The following TTC17 variants were observed in gnomAD, a reference collection of about 807,000 sequenced individuals.
TTC17 encodes the protein tetratricopeptide repeat protein 17.
Under a neutral mutation model 143.8 loss-of-function variants are expected in TTC17, and 58 were observed. The observed-to-expected ratio is 0.40, with a 90% CI of 0.33 to 0.50. TTC17 has a LOEUF of 0.50. TTC17 is among the 20% of genes least tolerant of loss of function. The pLI, the probability that TTC17 is intolerant of heterozygous loss-of-function variation, is 0.49. For missense variants in TTC17, 1,273 were observed against 1,392.5 expected (o/e 0.91, Z 1.37); for synonymous variants, 501 against 497.8 (o/e 1.01, Z -0.09).
intron 21 of TTC17, among the ~76,000 whole-genome samples, chr11:43,480,151 A>G (rs959719510): frequency 1.3e-5 from 2 of 152,234 alleles, no homozygotes; most frequent in Non-Finnish European, 2.9e-5. Context: ...CAATAGCTCA[A>G]TAAGTATCAC....
At chr11:43,492,732 C>T (rs1265736583) in intron 23 of TTC17, among the ~76,000 whole-genome samples, 1 of 152,204 alleles carries the variant, frequency 6.6e-6, no homozygotes, top group Admixed American at 6.5e-5. Flanking sequence ...AGAAATTCCG[C>T]TAGTTTCATG....
intron 17 of TTC17, 143 bp from the exon 18 acceptor site, chr11:43,443,913 T>C (rs1947479955): frequency 9.9e-7 from 1 of 1,012,794 alleles, no homozygotes; most frequent in Non-Finnish European, 1.4e-6. Context: ...CTAACCATTT[T>C]TTATTTAGGT....
Position 43,400,040 on chromosome 11 carries a change from C to T in TTC17, c.1211C>T (p.Ala404Val). The change falls in exon 9 of 24, where the codon GCA becomes GTA. Residue 404 changes from alanine to valine, a missense_variant. Ala to Val is a moderately conservative substitution (Grantham distance 64, BLOSUM62 0). Coordinates refer to ENST00000039989, the MANE Select transcript of TTC17 (RefSeq NM_018259.6). ...CATGAGACTCAGATGGCAAAAGAGG[C>T]ACAATTAGGTAAGTAGTGACTCCAA... ...IIHETQMAKE[A>V]QLGNHQICRL... 2 of 1,612,728 alleles carry T rather than the reference C, an allele frequency of 1.2e-6. No homozygotes were observed. The highest frequency in any genetic ancestry group is 1.7e-6 in the Non-Finnish European group (2 of 1,179,452).
intron 16 of TTC17, among the ~76,000 whole-genome samples, chr11:43,421,927 A>G (rs1323972220): frequency 6.7e-6 from 1 of 149,426 alleles, no homozygotes; most frequent in Admixed American, 6.7e-5. Context: ...GACTTGGAAG[A>G]TTTTGAACAC....
intron 18 of TTC17, chr11:43,446,108 C>G: frequency 7.0e-7 from 1 of 1,435,414 alleles, no homozygotes; most frequent in Non-Finnish European, 9.1e-7. Context: ...GTACAAGACC[C>G]TTTACAGCCC....
At chr11:43,422,670 T>C (rs539263838) in intron 16 of TTC17, among the ~76,000 whole-genome samples, 1 of 152,290 alleles carries the variant, frequency 6.6e-6, no homozygotes, top group Admixed American at 6.5e-5. Context: ...ATCATTATTA[T>C]TGTACCAGCA....
chr11:43,394,517 T>C (rs760444242), intron 5 of TTC17, among the ~76,000 whole-genome samples: 1 of 152,074 alleles, frequency 6.6e-6, no homozygotes, highest in Non-Finnish European at 1.5e-5. Context: ...TCAGGAGATA[T>C]TTAGGAGTTT....
intron 21 of TTC17, among the ~76,000 whole-genome samples, chr11:43,472,261 T>A (rs1948106017): frequency 6.6e-6 from 1 of 152,120 alleles, no homozygotes; most frequent in Admixed American, 6.5e-5. Flanking sequence ...AGGAGAATCC[T>A]GAGCCTAGGA....
chr11:43,396,243 T>C (rs1261401587), intron 5 of TTC17: 1 of 152,106 alleles, frequency 6.6e-6, no homozygotes. Flanking sequence ...TCCTTTTTTT[T>C]TTTCTGTCTT....
chr11:43,407,392 C>G lies in TTC17; in HGVS notation c.1879C>G (p.Leu627Val), dbSNP rs779009223. 6.2e-7 allele frequency: 1 copy of G among 1,613,908 alleles called. No homozygotes were observed. The highest frequency in any genetic ancestry group is 8.5e-7 in the Non-Finnish European group (1 of 1,179,962). ...PIWLILNEAG[L>V]YWRAVGNSTF... The stretch of plus-strand genomic sequence containing the variant: ...CTGGCTCATACTCAATGAAGCTGGA[C>G]TATACTGGAGAGCAGTAGGAAATAG... The change falls in exon 15 of 24, where the codon CTA (leucine) becomes GTA (valine). Residue 627 changes from leucine (L) to valine (V), a missense_variant. Leu to Val is a conservative substitution (Grantham distance 32). Coordinates refer to ENST00000039989, the MANE Select transcript of TTC17 (RefSeq NM_018259.6).
intron 22 of TTC17, chr11:43,491,141 T>G (rs140889008): frequency 3.3e-4 from 51 of 152,320 alleles, no homozygotes; most frequent in African/African-American, 1.2e-3. Context: ...ACTAGCTTTG[T>G]GAATTTGGGC....
intron 21 of TTC17, among the ~76,000 whole-genome samples, chr11:43,485,511 A>G (rs1370498414): frequency 6.6e-6 from 1 of 152,230 alleles, no homozygotes; most frequent in Admixed American, 6.5e-5. Context: ...AAAGTATATT[A>G]AAGTTTAATT....
At chr11:43,450,740 A>G (rs1947642019) in intron 20 of TTC17, among the ~76,000 whole-genome samples, 1 of 152,198 alleles carries the variant, frequency 6.6e-6, no homozygotes, top group Non-Finnish European at 1.5e-5. Context: ...ATTGACCTGA[A>G]TAAATTTTCA....
At chr11:43,434,936 G>T (rs560995547) in intron 16 of TTC17, among the ~76,000 whole-genome samples, 114 of 152,136 alleles carry the variant, frequency 7.5e-4, no homozygotes, top group Non-Finnish European at 1.2e-3. Context: ...CATTTTCTTG[G>T]CACAGTAAGG....
intron 21 of TTC17, chr11:43,486,427 G>A (rs1453224149): frequency 8.8e-6 from 4 of 452,562 alleles, no homozygotes; most frequent in African/African-American, 4.0e-5. Context: ...CATCCACCGC[G>A]GGTCTTGGAA....
intron 10 of TTC17, among the ~76,000 whole-genome samples, chr11:43,402,753 C>T (rs1857923859): frequency 6.6e-6 from 1 of 152,100 alleles, no homozygotes; most frequent in Admixed American, 6.6e-5. Flanking sequence ...TTAAGCATTT[C>T]AGAAAACTGA....
intron 21 of TTC17, among the ~76,000 whole-genome samples, chr11:43,459,847 A>G (rs1947831555): frequency 6.6e-6 from 1 of 152,252 alleles, no homozygotes; most frequent in South Asian, 2.1e-4. Context: ...TCATTATAAA[A>G]TAGGCTTTGT....
In TTC17 at chr11:43,484,377, A is replaced by G. The variant is rs552957714; in HGVS notation, c.3031-5862A>G. Among the ~76,000 whole-genome samples the G allele has an allele frequency of 2.0e-5, 3 of 152,316 alleles. No homozygotes were observed. The South Asian group carries it at 6.2e-4, about 32-fold the overall frequency. On this transcript the variant is annotated intron_variant, in intron 21 of 23. Coordinates refer to ENST00000039989, the MANE Select transcript of TTC17 (RefSeq NM_018259.6). Reference sequence around the variant, plus strand: ...AAAATATACATCGTTATAAAAATATAAAGTTCTCAATAAATCTTACAAAAG... The same window carrying G: ...AAAATATACATCGTTATAAAAATATGAAGTTCTCAATAAATCTTACAAAAG...
chr11:43,419,769 A>G (rs1423976423), intron 16 of TTC17, among the ~76,000 whole-genome samples: 2 of 152,128 alleles, frequency 1.3e-5, no homozygotes, highest in Non-Finnish European at 2.9e-5. Context: ...ATAGCACACC[A>G]TAGCTTCTAA....
Sources: allele counts gnomAD v4.1 joint callset (sites outside exome capture counted in the v4.1 genomes callset), GRCh38; gene constraint gnomAD v4.1.1; transcripts MANE v1.5; gene names NCBI Gene and HGNC (gene_info 2026-07-23, HGNC 2026-07-21).